STX8: variants seen among roughly 807,000 people sequenced by gnomAD.
The protein encoded by STX8 is syntaxin 8.
Under a neutral mutation model 37.5 loss-of-function variants are expected in STX8, and 23 were observed. The observed-to-expected ratio is 0.61, with a 90% CI of 0.44 to 0.87. The LOEUF (loss-of-function observed/expected upper bound fraction) is 0.87. STX8 is among the 40% of genes least tolerant of loss of function. The pLI is 0.00. For synonymous variants in STX8, 115 were observed against 99.1 expected (o/e 1.16, Z -0.95); for missense variants, 313 against 284.7 (o/e 1.10, Z -0.71).
intron 7 of STX8, among the ~76,000 whole-genome samples, chr17:9,251,991 C>T (rs1459769955): frequency 6.7e-6 from 1 of 149,136 alleles, no homozygotes; most frequent in Non-Finnish European, 1.5e-5. Flanking sequence ...TGGTGAAACC[C>T]CATCTCTATT....
chr17:9,284,065 C>A (rs767096333), intron 7 of STX8, among the ~76,000 whole-genome samples: 2 of 152,152 alleles, frequency 1.3e-5, no homozygotes, highest in Non-Finnish European at 2.9e-5. Flanking sequence ...ATGTCATGAT[C>A]GTTTAATTTA....
In STX8 at chr17:9,427,940, G is replaced by T. The variant is rs148506863; in HGVS notation, c.542-49287C>A. 8.6e-4 allele frequency among the ~76,000 whole-genome samples: 131 copies of T among 152,270 alleles called. 3 individuals carry two copies. The East Asian group carries it at 0.023, about 27-fold the overall frequency. On this transcript the variant is annotated intron_variant, in intron 6 of 7. Coordinates refer to ENST00000306357, the MANE Select transcript of STX8 (RefSeq NM_004853.3). The stretch of plus-strand genomic sequence containing the variant: ...CTGCTCCTCTGGCCAAAGAAAAACT[G>T]CTTCTGGATCAATCTAACCTCCAGG...
At chr17:9,380,825 C>T (rs776157214) in intron 6 of STX8, among the ~76,000 whole-genome samples, 15 of 150,790 alleles carry the variant, frequency 9.9e-5, no homozygotes, top group Non-Finnish European at 1.9e-4. Flanking sequence ...GCGATTCTTC[C>T]GCATCAGCCT....
chr17:9,409,795 A>T (rs879912695), intron 6 of STX8, among the ~76,000 whole-genome samples: 7 of 130,912 alleles, frequency 5.3e-5, no homozygotes, highest in Non-Finnish European at 8.6e-5. Flanking sequence ...ACTGGGGGGA[A>T]AAAAAGCCAG....
At chr17:9,263,732 G>A (rs1597571562) in intron 7 of STX8, among the ~76,000 whole-genome samples, 1 of 152,318 alleles carries the variant, frequency 6.6e-6, no homozygotes, top group East Asian at 1.9e-4. Context: ...CTGTAGGATA[G>A]ATTCCTACAT....
At chr17:9,463,180 G>C (rs1905467153) in intron 6 of STX8, among the ~76,000 whole-genome samples, 1 of 152,138 alleles carries the variant, frequency 6.6e-6, no homozygotes, top group Non-Finnish European at 1.5e-5. Context: ...TTAGCTACGT[G>C]ATTTGAGGCT....
rs142393139 is a variant in STX8, at chr17:9,515,492, T to TTCTCTCTC, written c.324-10338_324-10331dup. On this transcript the variant is annotated intron_variant, in intron 4 of 7. Transcript: ENST00000306357. Reference sequence around the variant, plus strand: ...CGACAGGTGTGTTTCTTTGAAGTCTTTCTCTCTCTCTCTCTCTCTCATTCA... The same window carrying TTCTCTCTC: ...CGACAGGTGTGTTTCTTTGAAGTCTTTCTCTCTCTCTCTCTCTCTCTCTCTCTCATTCA... Among the ~76,000 whole-genome samples the TTCTCTCTC allele has an allele frequency of 4.6e-3, 696 of 149,832 alleles. 3 individuals carry two copies. The highest frequency in any genetic ancestry group is 0.016 in the African/African-American group (653 of 40,960).
Position 9,306,386 on chromosome 17 carries a change from C to T in STX8, c.644-55741G>A, listed in dbSNP as rs572715133. On this transcript the variant is annotated intron_variant, in intron 7 of 7. Transcript: ENST00000306357. ...GAGAGGGAGTGGAGAAGACAGGGAG[C>T]GGGGAATCAAATTCCTCAGCGTAGA... Among the ~76,000 whole-genome samples the T allele has an allele frequency of 2.6e-5, 4 of 152,030 alleles. 1 individual carries two copies. The South Asian group carries it at 6.2e-4, about 24-fold the overall frequency.
At chr17:9,393,265 C>T (rs955468337) in intron 6 of STX8, among the ~76,000 whole-genome samples, 6 of 152,190 alleles carry the variant, frequency 3.9e-5, no homozygotes, top group Admixed American at 1.3e-4. Flanking sequence ...AACTATCCTT[C>T]AGCACCGAGG....
At chr17:9,428,454 A>G (rs913977461) in intron 6 of STX8, among the ~76,000 whole-genome samples, 4 of 152,120 alleles carry the variant, frequency 2.6e-5, no homozygotes, top group African/African-American at 9.7e-5. Flanking sequence ...GTTAGCCAGG[A>G]TGGTCTTGAT....
At chr17:9,253,458 T>C (rs935575247) in intron 7 of STX8, among the ~76,000 whole-genome samples, 3 of 152,094 alleles carry the variant, frequency 2.0e-5, no homozygotes, top group Admixed American at 6.5e-5. Flanking sequence ...GGTGCCTGTG[T>C]GGTGATCAGC....
chr17:9,422,819 C>T (rs975281963), intron 6 of STX8, among the ~76,000 whole-genome samples: 48 of 152,218 alleles, frequency 3.2e-4, no homozygotes, highest in African/African-American at 9.9e-4. Context: ...ATACCATCTA[C>T]CTTCAGAAGT....
chr17:9,479,005 C>T (rs893515225), intron 6 of STX8, among the ~76,000 whole-genome samples: 3 of 152,120 alleles, frequency 2.0e-5, no homozygotes, highest in African/African-American at 4.8e-5. Context: ...GTCTCCCTCC[C>T]GACACTAGAG....
At chr17:9,339,611 G>A (rs539268958) in intron 7 of STX8, among the ~76,000 whole-genome samples, 10 of 151,934 alleles carry the variant, frequency 6.6e-5, no homozygotes, top group Admixed American at 6.6e-5. Context: ...CCGAGATCGC[G>A]CCACTGCGCC....
rs574890735 is a variant in STX8 at position 9,525,492 on chromosome 17, G to A, written c.323+19680C>T. Among the ~76,000 whole-genome samples, 299 of 151,822 alleles carry A rather than the reference G, an allele frequency of 2.0e-3. 1 individual carries two copies. Among genetic ancestry groups the A allele is most frequent in the Non-Finnish European group, 3.7e-3 (250 of 67,914 alleles). On this transcript the variant is annotated intron_variant, in intron 4 of 7. Coordinates refer to ENST00000306357, the MANE Select transcript of STX8 (RefSeq NM_004853.3). ...CTCCTGAGTAGCTGGGACTACAGGC[G>A]CCCGCCACCACACCCAGCTAATTTT...
chr17:9,347,521 TTTTC>T (rs1404356363), intron 7 of STX8, among the ~76,000 whole-genome samples: 1 of 152,160 alleles, frequency 6.6e-6, no homozygotes, highest in Non-Finnish European at 1.5e-5. Context: ...AGAACTTTCT[TTTTC>T]TTTTTTTTGA....
chr17:9,349,893 G>C (rs866797849), intron 7 of STX8, among the ~76,000 whole-genome samples: 2 of 151,884 alleles, frequency 1.3e-5, no homozygotes, highest in African/African-American at 2.4e-5. Context: ...CCACCACACC[G>C]GGCTAGTTTT....
At chr17:9,464,657 TG>T (rs1192654213) in intron 6 of STX8, 1 of 151,126 alleles carries the variant, frequency 6.6e-6, no homozygotes, top group East Asian at 1.9e-4. Context: ...AAAACAAGTG[TG>T]GGAGGGACCT....
rs1907547810 is a variant in STX8 at position 9,568,488 on chromosome 17, A to G, written c.18-18T>C. ...TGGAGAACCTGCACCAAAGTCGTAA[A>G]AAGAGAAAATGTTTAAGGTTCTTTT... On this transcript the variant is annotated intron_variant, in intron 1 of 7. Transcript: ENST00000306357. The G allele has an allele frequency of 6.2e-7, 1 of 1,602,534 alleles. No homozygotes were observed. The highest frequency in any genetic ancestry group is 1.3e-5 in the African/African-American group (1 of 74,452).
Sources: gnomAD v4.1 joint callset for allele counts (sites outside exome capture counted in the v4.1 genomes callset) on GRCh38, gnomAD v4.1.1 for gene constraint, MANE v1.5 for transcripts, NCBI Gene and HGNC (gene_info 2026-07-23, HGNC 2026-07-21) for gene names.